Variants in ITGA8 observed in about 807,000 individuals in gnomAD.
The protein encoded by ITGA8 is integrin alpha-8.
Under a neutral mutation model 142.3 loss-of-function variants are expected in ITGA8, and 91 were observed. The observed-to-expected ratio is 0.64, with a 90% CI of 0.54 to 0.76. ITGA8 has a LOEUF of 0.76. Among genes scored for constraint, ITGA8 ranks in the 30% least tolerant of loss-of-function variants. The pLI is 0.00. For synonymous variants in ITGA8, 505 were observed against 485.2 expected, an observed-to-expected ratio of 1.04 and a Z score of -0.54; for missense variants, 1,406 against 1,327.7, an observed-to-expected ratio of 1.06 and a Z score of -0.92.
At chr10:15,645,785 C>A (rs905282189) in intron 12 of ITGA8, among the ~76,000 whole-genome samples, 1 of 152,130 alleles carries the variant, frequency 6.6e-6, no homozygotes, top group Non-Finnish European at 1.5e-5. Flanking sequence ...TAAGAAAATG[C>A]ATACATTTTC....
At chr10:15,532,324 C>T (rs1030019123) in intron 27 of ITGA8, among the ~76,000 whole-genome samples, 4 of 138,042 alleles carry the variant, frequency 2.9e-5, no homozygotes, top group East Asian at 2.4e-4. Flanking sequence ...GAGGCTGAGG[C>T]GGGAGAGTTG....
At chr10:15,697,211 C>A (rs1053355558) in intron 2 of ITGA8, among the ~76,000 whole-genome samples, 4 of 152,116 alleles carry the variant, frequency 2.6e-5, no homozygotes, top group Non-Finnish European at 5.9e-5. Flanking sequence ...GATTTGTATG[C>A]ACTGATACAG....
At chr10:15,596,722 G>A (rs1364213139) in intron 21 of ITGA8, 1 of 155,818 alleles carries the variant, frequency 6.4e-6, no homozygotes, top group Non-Finnish European at 1.4e-5. Context: ...TTAACTGAAA[G>A]ACTTATCAGC....
chr10:15,604,329 T>A lies in ITGA8; in HGVS notation c.1997A>T (p.Asp666Val), dbSNP rs1833155084. 1 of 1,611,974 alleles carries A rather than the reference T, an allele frequency of 6.2e-7. No homozygotes were observed. The highest frequency in any genetic ancestry group is 1.3e-5 in the African/African-American group (1 of 74,836). ...RPDKHQVIIGDENHLMLIINA... is the reference protein window; with the variant it reads ...RPDKHQVIIGVENHLMLIINA... The stretch of plus-strand genomic sequence containing the variant: ...TATTATGAGCATAAGGTGATTTTCA[T>A]CTCCAATGATTACCTGATGCTTATC... The change falls in exon 20 of 30, where the codon GAT (aspartate) becomes GTT (valine). Residue 666 changes from aspartate to valine, a missense_variant. Physicochemically the swap from Asp to Val is radical, Grantham distance 152 (BLOSUM62 -3). Coordinates refer to ENST00000378076, the MANE Select transcript of ITGA8 (RefSeq NM_003638.3).
chr10:15,616,849 G>A (rs1278934492), intron 13 of ITGA8, among the ~76,000 whole-genome samples: 1 of 152,084 alleles, frequency 6.6e-6, no homozygotes, highest in East Asian at 1.9e-4. Flanking sequence ...CAGGTTCAAG[G>A]CATATACACC....
chr10:15,594,136 G>A lies in ITGA8; in HGVS notation c.2212-1832C>T, dbSNP rs114614887. 2.0e-3 allele frequency among the ~76,000 whole-genome samples: 303 copies of A among 152,026 alleles called. 1 individual carries two copies. The highest frequency in any genetic ancestry group is 7.1e-3 in the African/African-American group (295 of 41,488). ...GTTACAGGTGTGAGCCAAAGGGCCC[G>A]GCCGGATGAATTTTTTTAAAAATTC... On this transcript the variant is annotated intron_variant, in intron 21 of 29. Coordinates refer to ENST00000378076, the MANE Select transcript of ITGA8 (RefSeq NM_003638.3).
At chr10:15,609,950 T>C (rs1293988415) in intron 15 of ITGA8, among the ~76,000 whole-genome samples, 2 of 152,150 alleles carry the variant, frequency 1.3e-5, no homozygotes, top group Non-Finnish European at 2.9e-5. Flanking sequence ...CCTTATGGGA[T>C]GGTATATAGT....
chr10:15,545,451 T>A (rs1447598428), intron 27 of ITGA8, among the ~76,000 whole-genome samples: 1 of 152,082 alleles, frequency 6.6e-6, no homozygotes, highest in East Asian at 1.9e-4. Context: ...AAAGCTGTTT[T>A]ATTAGATGCT....
intron 12 of ITGA8, 141 bp downstream of exon 12, chr10:15,646,705 T>G: frequency 6.7e-6 from 4 of 595,918 alleles, no homozygotes; most frequent in Non-Finnish European, 8.8e-6. Context: ...AAAGCTGCCT[T>G]GAGATTTGTG....
chr10:15,619,432 C>G (rs1833449652), intron 13 of ITGA8, among the ~76,000 whole-genome samples: 1 of 152,136 alleles, frequency 6.6e-6, no homozygotes, highest in South Asian at 2.1e-4. Flanking sequence ...CATGTGCATG[C>G]TGATGTTCAA....
chr10:15,575,611 C>A lies in ITGA8; in HGVS notation c.2373-17G>T. 1 of 1,592,772 alleles carries A rather than the reference C, an allele frequency of 6.3e-7. No individual in the cohort carries two copies. The highest frequency in any genetic ancestry group is 8.6e-7 in the Non-Finnish European group (1 of 1,160,868). On this transcript the variant is annotated splice_polypyrimidine_tract_variant and intron_variant, in intron 23 of 29. Transcript: ENST00000378076. ...TGTGACACTCTGAAACATGAAATGT[C>A]CTGTTAATTGTTAGCAATGGCCCAG...
intron 2 of ITGA8, among the ~76,000 whole-genome samples, chr10:15,691,979 C>G (rs1398053836): frequency 6.6e-6 from 1 of 152,138 alleles, no homozygotes; most frequent in Admixed American, 6.5e-5. Context: ...CTCTGTTACC[C>G]AGGCTAGAAT....
At chr10:15,654,992 G>T (rs759772999) in intron 11 of ITGA8, among the ~76,000 whole-genome samples, 1 of 152,170 alleles carries the variant, frequency 6.6e-6, no homozygotes. Flanking sequence ...ATCCGTTTAT[G>T]TGCAAATGTT....
At chr10:15,600,610 C>A (rs6602048) in intron 20 of ITGA8, among the ~76,000 whole-genome samples, 117,792 of 152,118 alleles carry the variant, frequency 0.77, 45,741 homozygotes, top group South Asian at 0.88. Flanking sequence ...CATTATCTGA[C>A]GGATTTGGAT....
intron 13 of ITGA8, among the ~76,000 whole-genome samples, chr10:15,642,691 G>A (rs892960933): frequency 1.3e-4 from 20 of 152,222 alleles, no homozygotes; most frequent in East Asian, 9.6e-4. Context: ...ATTAGTATAC[G>A]ATATAATACC....
chr10:15,548,046 T>C (rs1232210934), intron 27 of ITGA8, among the ~76,000 whole-genome samples: 1 of 151,954 alleles, frequency 6.6e-6, no homozygotes, highest in Non-Finnish European at 1.5e-5. Flanking sequence ...TTTGAAACTT[T>C]TACATTGAAA....
chr10:15,696,594 T>G (rs1454404108), intron 2 of ITGA8, among the ~76,000 whole-genome samples: 1 of 152,160 alleles, frequency 6.6e-6, no homozygotes, highest in Non-Finnish European at 1.5e-5. Context: ...TTTGCTCTAC[T>G]TCAAGACAAT....
At chr10:15,572,392 C>T in intron 24 of ITGA8, 23 bp from the exon 25 acceptor site, 2 of 1,610,468 alleles carry the variant, frequency 1.2e-6, no homozygotes, top group Non-Finnish European at 1.7e-6. Flanking sequence ...GACATGTTAT[C>T]TAATGACCCA....
At chr10:15,569,127 C>T (rs912069028) in intron 25 of ITGA8, among the ~76,000 whole-genome samples, 4 of 151,996 alleles carry the variant, frequency 2.6e-5, no homozygotes, top group Admixed American at 6.6e-5. Context: ...GGAAAGGGGA[C>T]GTTGACTACA....
Sources: allele counts gnomAD v4.1 joint callset (sites outside exome capture counted in the v4.1 genomes callset), GRCh38; gene constraint gnomAD v4.1.1; transcripts MANE v1.5; gene names NCBI Gene and HGNC (gene_info 2026-07-23, HGNC 2026-07-21).